The following SH3TC1 variants were observed in gnomAD, a reference collection of about 807,000 sequenced individuals.
The protein encoded by SH3TC1 is SH3 domain and tetratricopeptide repeat-containing protein 1.
A neutral mutation model predicts 117.3 loss-of-function variants in SH3TC1; 135 were observed. The ratio of observed to expected loss-of-function variants is 1.15; its 90% CI spans 1.00 to 1.33. The LOEUF is 1.33. Ranked by LOEUF, SH3TC1 falls within the 40% of genes most tolerant of loss-of-function variation. The pLI is 0.00. For missense variants in SH3TC1, 2,092 were observed against 1,794.3 expected, an observed-to-expected ratio of 1.17 and a Z score of -3.00; for synonymous variants, 898 against 816.9, an observed-to-expected ratio of 1.10 and a Z score of -1.69.
chr4:8,193,210 G>A (rs184273647), intron 1 of SH3TC1, among the ~76,000 whole-genome samples: 2 of 152,224 alleles, frequency 1.3e-5, no homozygotes, highest in East Asian at 3.9e-4. Context: ...CTGCGCGCCT[G>A]TTTCTGCTGG....
At chr4:8,230,923 A>G (rs1050310179) in intron 12 of SH3TC1, among the ~76,000 whole-genome samples, 1 of 151,244 alleles carries the variant, frequency 6.6e-6, no homozygotes, top group Non-Finnish European at 1.5e-5. Flanking sequence ...GGGATTACAG[A>G]CATGCACCAC....
chr4:8,227,800 G>A lies in SH3TC1; in HGVS notation c.2106G>A (p.Glu702=). 3.7e-6 allele frequency: 6 copies of A among 1,612,772 alleles called. No homozygotes were observed. Among genetic ancestry groups the A allele is most frequent in the Non-Finnish European group, 3.4e-6 (4 of 1,179,970 alleles). The change falls in exon 12 of 18, where the codon GAG becomes GAA. Residue 702 remains glutamate, a synonymous_variant. Transcript: ENST00000245105. Reference sequence around the variant, plus strand: ...TGCACAGGGACTCGGGAGCCCCAGAGGCCGCGTGGCTCTCAGACTGCTACC... The same window carrying A: ...TGCACAGGGACTCGGGAGCCCCAGAAGCCGCGTGGCTCTCAGACTGCTACC... ...LLLHRDSGAP[E]AAWLSDCYLL...
In SH3TC1 at chr4:8,225,624, T is replaced by C. The variant is rs1177933016; in HGVS notation, c.1285+408T>C. Among the ~76,000 whole-genome samples, 3 of 152,152 alleles carry C rather than the reference T, an allele frequency of 2.0e-5. No homozygotes were observed. The highest frequency in any genetic ancestry group is 2.9e-5 in the Non-Finnish European group (2 of 68,034). On this transcript the variant is annotated intron_variant, in intron 11 of 17. Transcript: ENST00000245105. The surrounding 1 kb of genome is among the most constrained non-coding windows in gnomAD (Gnocchi z 5.5). ...TTCAGAGCCTTAGGTTGCAGGGGCC[T>C]CAACTGAGGTCCCTCAAGGGTCTGC...
intron 1 of SH3TC1, among the ~76,000 whole-genome samples, chr4:8,202,420 C>T (rs747817002): frequency 1.3e-4 from 20 of 152,246 alleles, no homozygotes; most frequent in Non-Finnish European, 2.8e-4. Context: ...AAGCAAGTCT[C>T]ATGGGCTGCA....
intron 1 of SH3TC1, among the ~76,000 whole-genome samples, chr4:8,184,393 T>C (rs1561669115): frequency 6.6e-6 from 1 of 152,242 alleles, no homozygotes; most frequent in Non-Finnish European, 1.5e-5. Flanking sequence ...TATTCATTAA[T>C]TTTTTGAGAC....
intron 9 of SH3TC1, among the ~76,000 whole-genome samples, chr4:8,221,825 G>A (rs780477799): frequency 2.6e-5 from 4 of 152,288 alleles, no homozygotes; most frequent in South Asian, 2.1e-4. Flanking sequence ...TTCAGACCAC[G>A]TGTTCTATTC....
At chr4:8,233,682 C>T (rs571977661) in intron 14 of SH3TC1, among the ~76,000 whole-genome samples, 169 bp downstream of exon 14, 2 of 151,444 alleles carry the variant, frequency 1.3e-5, no homozygotes, top group East Asian at 2.0e-4. Context: ...CCTATGGGTC[C>T]TTCCATCCAT....
At chr4:8,207,641 C>T (rs748964847) in intron 2 of SH3TC1, among the ~76,000 whole-genome samples, 17 of 152,220 alleles carry the variant, frequency 1.1e-4, no homozygotes, top group Non-Finnish European at 1.9e-4. Flanking sequence ...TGTAGGCTCA[C>T]ACATCTTTAA....
intron 7 of SH3TC1, among the ~76,000 whole-genome samples, chr4:8,217,449 T>C (rs1239124489): frequency 3.3e-5 from 5 of 152,234 alleles, no homozygotes; most frequent in South Asian, 4.1e-4. Flanking sequence ...CTCACCAGGC[T>C]CATCCGAAAA....
At chr4:8,236,026 CCA>C (rs1721780763) in intron 15 of SH3TC1, 1 of 521,426 alleles carries the variant, frequency 1.9e-6, no homozygotes. Context: ...CAGGCTCCCC[CCA>C]GTCAGACCCC....
intron 1 of SH3TC1, among the ~76,000 whole-genome samples, chr4:8,200,164 C>T (rs1047897450): frequency 1.5e-4 from 23 of 152,316 alleles, no homozygotes; most frequent in Admixed American, 2.0e-4. Context: ...GGGGTGTTAG[C>T]GGTGTCGGCC....
Position 8,213,633 on chromosome 4 carries a change from C to T in SH3TC1, c.375+805C>T, listed in dbSNP as rs147960777. On this transcript the variant is annotated intron_variant, in intron 4 of 17. Transcript: ENST00000245105. ...GGGCCTTCAGCGGGACATGGTGGCT[C>T]ACACCTGTAATCCTAGCACTTTGGG... Among the ~76,000 whole-genome samples, 301 of 152,276 alleles carry T rather than the reference C, an allele frequency of 2.0e-3. 2 individuals carry two copies. The highest frequency in any genetic ancestry group is 7.0e-3 in the African/African-American group (289 of 41,546).
chr4:8,192,845 C>G lies in SH3TC1; in HGVS notation c.-57+10635C>G, dbSNP rs749942431. Among the ~76,000 whole-genome samples, 1 of 152,170 alleles carries G rather than the reference C, an allele frequency of 6.6e-6. No homozygotes were observed. Among genetic ancestry groups the G allele is most frequent in the Admixed American group, 6.6e-5 (1 of 15,260 alleles). ...CTGCTCCGAGTTTAGGTTCATGTCG[C>G]CACCTGGTGATTGGCTTCTCTGTGC... On this transcript the variant is annotated intron_variant, in intron 1 of 16. Coordinates refer to the SH3TC1 transcript ENST00000508641. The surrounding 1 kb of genome is among the most constrained non-coding windows in gnomAD (Gnocchi z 4.1).
At chr4:8,216,588 G>A (rs928614131) in intron 6 of SH3TC1, among the ~76,000 whole-genome samples, 11 of 152,330 alleles carry the variant, frequency 7.2e-5, no homozygotes, top group Admixed American at 5.9e-4. Flanking sequence ...GGGGACATGA[G>A]GCTGTCTTTC....
At chr4:8,231,096 T>C (rs1204552108) in intron 12 of SH3TC1, 2 of 152,302 alleles carry the variant, frequency 1.3e-5, no homozygotes, top group Non-Finnish European at 2.9e-5. Flanking sequence ...TGTGCGTTTG[T>C]TTTCATTCTT....
chr4:8,223,108 C>A, intron 10 of SH3TC1, 138 bp downstream of exon 10: 1 of 1,251,484 alleles, frequency 8.0e-7, no homozygotes, highest in Non-Finnish European at 1.1e-6. Context: ...CCGCTGCCTC[C>A]AGGGCACATA....
chr4:8,221,561 A>G (rs774306498), intron 9 of SH3TC1, among the ~76,000 whole-genome samples: 20 of 152,178 alleles, frequency 1.3e-4, no homozygotes, highest in Non-Finnish European at 2.6e-4. Flanking sequence ...TTAACATGTT[A>G]TGACATTTGC....
rs1718204360 is a variant in SH3TC1, at chr4:8,206,324, TG to T, written c.172+961del. The stretch of plus-strand genomic sequence containing the variant: ...CGGCTCAGAGGTTTGGGGTGGGGCC[TG>T]GGCCTGGGGAGCCCACCTGGCCATG... On this transcript the variant is annotated intron_variant, in intron 2 of 17. Transcript: ENST00000245105. This position sits in a 1 kb window ranked among gnomAD's most constrained non-coding sequence, Gnocchi z 5.5. Among the ~76,000 whole-genome samples the T allele has an allele frequency of 6.6e-6, 1 of 150,612 alleles. No homozygotes were observed. Among genetic ancestry groups the T allele is most frequent in the Non-Finnish European group, 1.5e-5 (1 of 67,556 alleles).
At chr4:8,203,279 T>TGC (rs546354796) in intron 1 of SH3TC1, among the ~76,000 whole-genome samples, 3 of 147,342 alleles carry the variant, frequency 2.0e-5, no homozygotes, top group Admixed American at 6.7e-5. Flanking sequence ...TGCGGGTGCG[T>TGC]GTGTGTGTGT....
Sources: gnomAD v4.1 joint callset for allele counts (sites outside exome capture counted in the v4.1 genomes callset) on GRCh38, gnomAD v4.1.1 for gene constraint, Gnocchi (gnomAD v3.1) non-coding constraint, MANE v1.5 for transcripts, NCBI Gene and HGNC (gene_info 2026-07-23, HGNC 2026-07-21) for gene names.